The following SESN3 variants were observed in gnomAD, a reference collection of about 807,000 sequenced individuals.
SESN3 encodes the protein sestrin 3.
SESN3 carries 21 observed loss-of-function variants against 55.3 expected under a neutral mutation model. The observed-to-expected ratio is 0.38, with a 90% CI of 0.27 to 0.55. The LOEUF is 0.55. Ranked by LOEUF, SESN3 falls within the 20% of genes least tolerant of loss-of-function variation. The pLI is 0.76. For missense variants in SESN3, 408 were observed against 604.3 expected (o/e 0.68, Z 3.41); for synonymous variants, 181 against 203.1 (o/e 0.89, Z 0.93).
At position 95,230,897 on chromosome 11, in the gene SESN3, G is replaced by C; in HGVS notation, c.-37C>G. 6.8e-7 allele frequency: 1 copy of C among 1,472,174 alleles called. No homozygotes were observed. The highest frequency in any genetic ancestry group is 2.1e-4 in the Middle Eastern group (1 of 4,686). The allele number at this position is 1,472,174 out of a possible 1,614,324, so 91.2% of individuals were successfully genotyped here. On this transcript the variant is annotated 5_prime_UTR_variant, in exon 1 of 10. Coordinates refer to ENST00000536441, the MANE Select transcript of SESN3 (RefSeq NM_144665.4). The surrounding 1 kb of genome is among the most constrained non-coding windows in gnomAD (Gnocchi z 4.6). ...GCGCCGAGGCGAGAGCGGGCGGAGG[G>C]CCGGGTCCGGGCTGTCACTGCGGCC... is the stretch of plus-strand genomic sequence containing the variant.
At position 95,230,322 on chromosome 11, in the gene SESN3, AC is replaced by A. The variant is rs1216567319; in HGVS notation, c.78+460del. On this transcript the variant is annotated intron_variant, in intron 1 of 9. Transcript: ENST00000536441. The surrounding 1 kb of genome is among the most constrained non-coding windows in gnomAD (Gnocchi z 4.6). ...GCGCAAGGCAGAAGCAACCGAATAAACAAAAACAACACTCGCAAGAGTTAGC... is the reference window on the plus strand; with the variant it reads ...GCGCAAGGCAGAAGCAACCGAATAAAAAAAACAACACTCGCAAGAGTTAGC... The A allele has an allele frequency of 6.3e-6, 1 of 158,464 alleles. No individual in the cohort carries two copies. Among genetic ancestry groups the A allele is most frequent in the African/African-American group, 2.4e-5 (1 of 41,526 alleles). 9.8% of individuals were successfully genotyped at this position (158,464 alleles called of 1,614,324 possible).
chr11:95,186,242 G>GTGTGTGTGTGTGTGTGTGTGTGTGT (rs1555118918), intron 4 of SESN3, among the ~76,000 whole-genome samples: 3 of 127,498 alleles, frequency 2.4e-5, no homozygotes, highest in African/African-American at 2.9e-5. Context: ...GTGTGTGTGT[G>GTGTGTGTGTGTGTGTGTGTGTGTGT]GTGTATGTAA....
intron 3 of SESN3, 131 bp downstream of exon 3, chr11:95,191,273 A>T: frequency 1.4e-6 from 1 of 719,614 alleles, no homozygotes; most frequent in South Asian, 1.8e-5. Context: ...AAAAGGCCAT[A>T]GGCTTCTTCA....
chr11:95,189,059 A>G (rs1319452419), intron 4 of SESN3, among the ~76,000 whole-genome samples: 2 of 151,946 alleles, frequency 1.3e-5, no homozygotes, highest in African/African-American at 2.4e-5. Context: ...TCCAAAAACC[A>G]AGGACATTTC....
At chr11:95,188,167 C>A (rs1002586486) in intron 4 of SESN3, among the ~76,000 whole-genome samples, 4 of 151,748 alleles carry the variant, frequency 2.6e-5, no homozygotes, top group Non-Finnish European at 2.9e-5. Context: ...GATTCTCTAT[C>A]ATATTGATCT....
intron 1 of SESN3, among the ~76,000 whole-genome samples, chr11:95,206,496 AG>A (rs1473958412): frequency 2.0e-5 from 3 of 152,086 alleles, no homozygotes; most frequent in Non-Finnish European, 2.9e-5. Context: ...AGTTTTTGAT[AG>A]AAAGAAAAAG....
intron 9 of SESN3, among the ~76,000 whole-genome samples, chr11:95,174,143 C>G (rs4753657): frequency 0.25 from 38,573 of 151,968 alleles, 5,546 homozygotes; most frequent in Middle Eastern, 0.31. Flanking sequence ...ATGTGAGTGG[C>G]TCTAAGACTT....
At chr11:95,193,657 G>T (rs1268944302) in intron 1 of SESN3, 135 bp from the exon 2 acceptor site, 3 of 592,316 alleles carry the variant, frequency 5.1e-6, no homozygotes, top group Non-Finnish European at 5.9e-6. Context: ...TAAGTGTTGG[G>T]TTTCAGATCA....
intron 6 of SESN3, chr11:95,182,240 A>G (rs1823086903): frequency 8.3e-6 from 2 of 241,596 alleles, no homozygotes; most frequent in African/African-American, 2.3e-5. Flanking sequence ...TTAAAAATTA[A>G]TTTCTGAAAA....
chr11:95,190,223 C>T (rs946626792), intron 3 of SESN3, among the ~76,000 whole-genome samples: 1 of 151,954 alleles, frequency 6.6e-6, no homozygotes, highest in African/African-American at 2.4e-5. Context: ...CCATAGCCCA[C>T]TTTCTAGCTA....
Position 95,167,573 on chromosome 11 carries a change from G to A in SESN3, c.*5682C>T, listed in dbSNP as rs553511058. The A allele has an allele frequency of 1.9e-4, 27 of 141,038 alleles. No individual in the cohort carries two copies. The highest frequency in any genetic ancestry group is 2.5e-4 in the Non-Finnish European group (16 of 63,452). The allele number at this position is 141,038 out of a possible 1,614,324, so 8.7% of individuals were successfully genotyped here. On this transcript the variant is annotated 3_prime_UTR_variant, in exon 10 of 10. Coordinates refer to ENST00000536441, the MANE Select transcript of SESN3 (RefSeq NM_144665.4). ...CATGGCATATAATTTAATACAAACC[G>A]CCTCATTCAGTCTCCATTATTAAGT...
chr11:95,166,212 C>G lies in SESN3; in HGVS notation c.*7043G>C, dbSNP rs1353412974. The stretch of plus-strand genomic sequence containing the variant: ...TAGAGTAAGAGACTGATATATATAG[C>G]AGTCTTAAAGATCACGTCATCTGCC... On this transcript the variant is annotated 3_prime_UTR_variant, in exon 10 of 10. Coordinates refer to ENST00000536441, the MANE Select transcript of SESN3 (RefSeq NM_144665.4). The G allele has an allele frequency of 1.3e-5, 2 of 151,376 alleles. No homozygotes were observed. Among genetic ancestry groups the G allele is most frequent in the African/African-American group, 4.9e-5 (2 of 41,108 alleles). 9.4% of individuals were successfully genotyped at this position (151,376 alleles called of 1,614,324 possible).
At chr11:95,225,444 C>T (rs912330418) in intron 1 of SESN3, among the ~76,000 whole-genome samples, 9 of 152,296 alleles carry the variant, frequency 5.9e-5, no homozygotes, top group African/African-American at 1.9e-4. Context: ...ATGTTTCCAA[C>T]CAATATTACC....
At chr11:95,222,330 G>A (rs929839391) in intron 1 of SESN3, among the ~76,000 whole-genome samples, 1 of 151,968 alleles carries the variant, frequency 6.6e-6, no homozygotes, top group Non-Finnish European at 1.5e-5. Flanking sequence ...TGAAATGCTC[G>A]AAAGCAAAAA....
At chr11:95,194,349 A>C (rs1860322026) in intron 1 of SESN3, among the ~76,000 whole-genome samples, 1 of 152,074 alleles carries the variant, frequency 6.6e-6, no homozygotes, top group Non-Finnish European at 1.5e-5. Context: ...AGTTATTTAT[A>C]TCTCTTAAAT....
At chr11:95,213,614 G>A (rs576878240) in intron 1 of SESN3, among the ~76,000 whole-genome samples, 11 of 152,222 alleles carry the variant, frequency 7.2e-5, no homozygotes, top group African/African-American at 2.6e-4. Flanking sequence ...ACCCCAAATC[G>A]TAGGAGTTGG....
chr11:95,179,824 CTG>C (rs1860027695), intron 6 of SESN3, among the ~76,000 whole-genome samples: 1 of 152,096 alleles, frequency 6.6e-6, no homozygotes, highest in Admixed American at 6.6e-5. Context: ...CCTAATGAGA[CTG>C]TGACTAGAAT....
chr11:95,209,764 C>A (rs981790403), intron 1 of SESN3, among the ~76,000 whole-genome samples: 1 of 151,090 alleles, frequency 6.6e-6, no homozygotes, highest in African/African-American at 2.4e-5. Flanking sequence ...CACCTGTAAT[C>A]TCAGCACTTT....
rs1859814993 is a variant in SESN3 at position 95,169,734 on chromosome 11, T to C, written c.*3521A>G. On this transcript the variant is annotated 3_prime_UTR_variant, in exon 10 of 10. Transcript: ENST00000536441. ...TTAAGTACAGATCTTTAATTGTTGA[T>C]CATTTTATTTTGCTGTGGCACAGAA... 1 of 152,152 alleles carries C rather than the reference T, an allele frequency of 6.6e-6. No homozygotes were observed. Among genetic ancestry groups the C allele is most frequent in the Non-Finnish European group, 1.5e-5 (1 of 68,018 alleles). The allele number at this position is 152,152 out of a possible 1,614,324, so 9.4% of individuals were successfully genotyped here.
Sources: gnomAD v4.1 joint callset for allele counts (sites outside exome capture counted in the v4.1 genomes callset) on GRCh38, gnomAD v4.1.1 for gene constraint, Gnocchi (gnomAD v3.1) non-coding constraint, MANE v1.5 for transcripts, NCBI Gene and HGNC (gene_info 2026-07-23, HGNC 2026-07-21) for gene names.